Variants in NUSAP1 observed in about 807,000 individuals in gnomAD.
The protein encoded by NUSAP1 is nucleolar and spindle-associated protein 1.
NUSAP1 carries 32 observed loss-of-function variants against 52.8 expected under a neutral mutation model. The observed-to-expected ratio is 0.61, with a 90% CI of 0.46 to 0.81. The LOEUF is 0.81. Among genes scored for constraint, NUSAP1 ranks in the 40% least tolerant of loss-of-function variants. The pLI, the probability that NUSAP1 is intolerant of heterozygous loss-of-function variation, is 0.00. For synonymous variants in NUSAP1, 195 were observed against 183.1 expected, an observed-to-expected ratio of 1.06 and a Z score of -0.52; for missense variants, 499 against 522.3, an observed-to-expected ratio of 0.96 and a Z score of 0.43.
chr15:41,336,460 A>C (rs1410873647), intron 1 of NUSAP1, among the ~76,000 whole-genome samples: 1 of 151,578 alleles, frequency 6.6e-6, no homozygotes, highest in Non-Finnish European at 1.5e-5. Flanking sequence ...CACTATTTCC[A>C]CTTCCTTGCA....
At chr15:41,344,317 T>C (rs1197511049) in intron 2 of NUSAP1, 1 of 150,682 alleles carries the variant, frequency 6.6e-6, no homozygotes, top group African/African-American at 2.4e-5. Flanking sequence ...GCAAATGTAA[T>C]TGTGGTTTTT....
intron 6 of NUSAP1, among the ~76,000 whole-genome samples, chr15:41,363,350 T>C (rs952529828): frequency 6.7e-6 from 1 of 149,382 alleles, no homozygotes; most frequent in Admixed American, 6.7e-5. Flanking sequence ...TATATATATA[T>C]ACAATTTTTA....
chr15:41,345,431 T>C (rs1305386257), intron 2 of NUSAP1: 2 of 416,620 alleles, frequency 4.8e-6, no homozygotes, highest in Non-Finnish European at 9.3e-6. Context: ...AAAAATCTCT[T>C]CTCCTTTGAA....
intron 4 of NUSAP1, among the ~76,000 whole-genome samples, chr15:41,355,694 A>C (rs2048940895): frequency 6.8e-6 from 1 of 147,608 alleles, no homozygotes; most frequent in Non-Finnish European, 1.5e-5. Context: ...TTGTTTTTTT[A>C]GAGGTGGAGT....
intron 6 of NUSAP1, among the ~76,000 whole-genome samples, chr15:41,364,116 A>C (rs2049292635): frequency 6.6e-6 from 1 of 152,106 alleles, no homozygotes; most frequent in South Asian, 2.1e-4. Flanking sequence ...GCAGGTTGTG[A>C]GCCACTACAC....
intron 7 of NUSAP1, among the ~76,000 whole-genome samples, chr15:41,369,329 G>A (rs2140809172): frequency 6.6e-6 from 1 of 152,132 alleles, no homozygotes; most frequent in South Asian, 2.1e-4. Context: ...TGAAGTACCT[G>A]TAATTGGTGG....
chr15:41,373,911 T>C (rs1294839974), intron 8 of NUSAP1, among the ~76,000 whole-genome samples: 1 of 152,048 alleles, frequency 6.6e-6, no homozygotes, highest in Admixed American at 6.6e-5. Context: ...TCAACAGAAT[T>C]CTAAACTCCC....
chr15:41,365,367 G>T (rs1402813923), intron 6 of NUSAP1, 35 bp from the exon 7 acceptor site: 2 of 1,554,898 alleles, frequency 1.3e-6, no homozygotes, highest in Non-Finnish European at 1.7e-6. Context: ...ATGTTGGAGA[G>T]GCCAAGCTTT....
intron 1 of NUSAP1, among the ~76,000 whole-genome samples, chr15:41,335,557 A>G (rs1450335632): frequency 7.2e-6 from 1 of 138,194 alleles, no homozygotes; most frequent in Admixed American, 7.5e-5. Context: ...TGTATACTAA[A>G]TATATTTAAT....
intron 2 of NUSAP1, among the ~76,000 whole-genome samples, chr15:41,344,730 C>T (rs558197551): frequency 3.3e-5 from 5 of 152,186 alleles, no homozygotes; most frequent in African/African-American, 4.8e-5. Context: ...CACCTGAGGT[C>T]AGGAGTTCAA....
In NUSAP1 at chr15:41,371,593, T is replaced by C; in HGVS notation, c.915T>C (p.Ser305=). 6.2e-7 allele frequency: 1 copy of C among 1,611,920 alleles called. No individual in the cohort carries two copies. Among genetic ancestry groups the C allele is most frequent in the Non-Finnish European group, 8.5e-7 (1 of 1,179,404 alleles). The change falls in exon 8 of 11, where the codon TCT becomes TCC. Residue 305 remains serine, a synonymous_variant. Transcript: ENST00000559596. The part of the protein sequence containing the change: ...RSLTKTPARK[S]AHVTVSGGTP... ...TGACCAAGACTCCAGCCAGAAAGTC[T>C]GCACATGTGACCGTGTCTGGGGGCA...
chr15:41,363,173 G>A (rs939684883), intron 6 of NUSAP1, among the ~76,000 whole-genome samples: 1 of 151,390 alleles, frequency 6.6e-6, no homozygotes, highest in Non-Finnish European at 1.5e-5. Context: ...TGTAATCCCA[G>A]CTGCTCTGGG....
At chr15:41,343,531 T>A (rs1321207987) in intron 2 of NUSAP1, 2 of 152,136 alleles carry the variant, frequency 1.3e-5, no homozygotes, top group African/African-American at 4.8e-5. Context: ...ATTTTGTATT[T>A]TTAGTAGACA....
At chr15:41,341,472 T>C (rs949032145) in intron 1 of NUSAP1, among the ~76,000 whole-genome samples, 4 of 152,102 alleles carry the variant, frequency 2.6e-5, no homozygotes, top group Admixed American at 6.6e-5. Flanking sequence ...AAGCTCAGTG[T>C]TCCCTTCCCC....
In NUSAP1 at chr15:41,375,762, A is replaced by C. The variant is rs758628362; in HGVS notation, c.1057A>C (p.Asn353His). Residue 353 changes from asparagine to histidine, a missense_variant, in exon 9 of 11, where the codon AAT (asparagine) becomes CAT (histidine). Asn to His is a moderately conservative substitution (Grantham distance 68). Transcript: ENST00000559596. Reference sequence around the variant, plus strand: ...TGAGGCAACGCAGACTCCAGTCTCCAATAAGAAACCAGTGTTTGATCTTAA... The same window carrying C: ...TGAGGCAACGCAGACTCCAGTCTCCCATAAGAAACCAGTGTTTGATCTTAA... ...TTEATQTPVS[N>H]KKPVFDLKAS... 6 of 1,613,986 alleles carry C rather than the reference A, an allele frequency of 3.7e-6. No individual in the cohort carries two copies.
intron 4 of NUSAP1, chr15:41,352,024 A>G (rs1005361714): frequency 2.0e-5 from 3 of 151,326 alleles, no homozygotes; most frequent in Non-Finnish European, 2.9e-5. Flanking sequence ...GCTCACTACA[A>G]CCTCCACCTC....
At chr15:41,344,227 A>AAG (rs924082711) in intron 2 of NUSAP1, 3 of 151,968 alleles carry the variant, frequency 2.0e-5, no homozygotes, top group African/African-American at 7.3e-5. Context: ...AAAAAAAAAA[A>AAG]AAAAAGAAAC....
intron 4 of NUSAP1, among the ~76,000 whole-genome samples, chr15:41,355,655 CGT>C (rs1491524052): frequency 1.6e-5 from 2 of 125,706 alleles, no homozygotes; most frequent in African/African-American, 3.6e-5. Context: ...AACTTACACA[CGT>C]TTTTTTTTTT....
At chr15:41,354,872 T>C (rs1012020722) in intron 4 of NUSAP1, among the ~76,000 whole-genome samples, 1 of 150,682 alleles carries the variant, frequency 6.6e-6, no homozygotes, top group African/African-American at 2.4e-5. Flanking sequence ...CAAAAAAAAT[T>C]AGCCGGGTGT....
Sources: allele counts gnomAD v4.1 joint callset (sites outside exome capture counted in the v4.1 genomes callset), GRCh38; gene constraint gnomAD v4.1.1; transcripts MANE v1.5; gene names NCBI Gene and HGNC (gene_info 2026-07-23, HGNC 2026-07-21).